ZMYM6: variants seen among roughly 807,000 people sequenced by gnomAD.
ZMYM6 encodes zinc finger MYM-type protein 6.
ZMYM6 carries 90 observed loss-of-function variants against 134.0 expected under a neutral mutation model. The observed-to-expected ratio is 0.67, with a 90% CI of 0.57 to 0.80. ZMYM6 has a LOEUF of 0.80. Among genes scored for constraint, ZMYM6 ranks in the 30% least tolerant of loss-of-function variants. The pLI is 0.00. For missense variants in ZMYM6, 1,362 were observed against 1,533.9 expected, an observed-to-expected ratio of 0.89 and a Z score of 1.87; for synonymous variants, 481 against 524.1, an observed-to-expected ratio of 0.92 and a Z score of 1.12.
At chr1:35,011,332 C>T (rs1641082321) in intron 8 of ZMYM6, among the ~76,000 whole-genome samples, 1 of 152,164 alleles carries the variant, frequency 6.6e-6, no homozygotes, top group African/African-American at 2.4e-5. Context: ...GCACTCCCAT[C>T]ATCAACCAGC....
At chr1:35,001,292 T>C (rs1230451038) in intron 14 of ZMYM6, among the ~76,000 whole-genome samples, 1 of 150,480 alleles carries the variant, frequency 6.6e-6, no homozygotes, top group African/African-American at 2.4e-5. Flanking sequence ...TTTTTTCACA[T>C]TGTAAGAGCA....
At chr1:35,003,838 A>G in intron 14 of ZMYM6, 130 bp downstream of exon 14, 1 of 754,396 alleles carries the variant, frequency 1.3e-6, no homozygotes, top group Non-Finnish European at 2.2e-6. Context: ...GTTGTGCCCA[A>G]GACCTAGATT....
chr1:35,005,275 G>C lies in ZMYM6; in HGVS notation c.1814-3C>G, dbSNP rs1640945583. On this transcript the variant is annotated splice_region_variant and splice_polypyrimidine_tract_variant and intron_variant, in intron 12 of 15. Transcript: ENST00000357182. The stretch of plus-strand genomic sequence containing the variant: ...AGTTTTTGCTTTAGAAATATTTACT[G>C]ATTAAAATAAAAAGTTAAGATCTGG... The C allele has an allele frequency of 4.3e-6, 7 of 1,613,368 alleles. No individual in the cohort carries two copies. In the Admixed American group the frequency reaches 5.0e-5, roughly 12 times the overall value.
At chr1:34,992,196 A>G (rs1294925135) in intron 15 of ZMYM6, 38 bp downstream of exon 15, 2 of 1,613,234 alleles carry the variant, frequency 1.2e-6, no homozygotes, top group Non-Finnish European at 1.7e-6. Context: ...CAAGCCAGAA[A>G]ACAAGCTTTG....
intron 14 of ZMYM6, among the ~76,000 whole-genome samples, chr1:34,997,803 A>G (rs7526940): frequency 0.057 from 8,616 of 152,242 alleles, 719 homozygotes; most frequent in African/African-American, 0.19. Flanking sequence ...TTTTCTGAGT[A>G]CATACTTACA....
chr1:35,004,918 C>A (rs556696130), intron 13 of ZMYM6, among the ~76,000 whole-genome samples: 1 of 151,652 alleles, frequency 6.6e-6, no homozygotes, highest in African/African-American at 2.4e-5. Flanking sequence ...ATTAGCTGGG[C>A]GTGGTGGCAG....
In ZMYM6 at chr1:34,988,273, C is replaced by T; in HGVS notation, c.2809G>A (p.Asp937Asn). ...CAAAATAATAATTCTTCTTTTACAT[C>T]ACGACAATCATAATCAATGAAACGA... is the stretch of plus-strand genomic sequence containing the variant. ...YIRFIDYDCRDVKEELLFCIE... is the reference protein window; with the variant it reads ...YIRFIDYDCRNVKEELLFCIE... Residue 937 changes from aspartate to asparagine, a missense_variant, in exon 16 of 16, where the codon GAT (aspartate) becomes AAT (asparagine). Coordinates refer to ENST00000357182, the MANE Select transcript of ZMYM6 (RefSeq NM_007167.4). 6.4e-7 allele frequency: 1 copy of T among 1,550,426 alleles called. No homozygotes were observed. Among genetic ancestry groups the T allele is most frequent in the Non-Finnish European group, 8.7e-7 (1 of 1,146,310 alleles).
At chr1:35,003,087 G>A (rs570361586) in intron 14 of ZMYM6, among the ~76,000 whole-genome samples, 1 of 151,378 alleles carries the variant, frequency 6.6e-6, no homozygotes, top group African/African-American at 2.4e-5. Context: ...GGAAGCTGAG[G>A]TAGGGGACTG....
chr1:35,022,642 T>A (rs939269870), intron 2 of ZMYM6, among the ~76,000 whole-genome samples: 1 of 152,198 alleles, frequency 6.6e-6, no homozygotes, highest in Admixed American at 6.5e-5. Context: ...GAATTCAAAC[T>A]CTGGTCCAAC....
At chr1:34,991,556 G>C (rs1192598871) in intron 15 of ZMYM6, among the ~76,000 whole-genome samples, 1 of 152,100 alleles carries the variant, frequency 6.6e-6, no homozygotes, top group Non-Finnish European at 1.5e-5. Context: ...GATCACCTGA[G>C]GTCAGGAGTT....
intron 14 of ZMYM6, among the ~76,000 whole-genome samples, chr1:34,998,728 C>T (rs1353859166): frequency 4.6e-5 from 7 of 152,014 alleles, no homozygotes; most frequent in Non-Finnish European, 1.0e-4. Flanking sequence ...AATGTCAAGT[C>T]GGCAGCTGGA....
rs1641065691 is a variant in ZMYM6, at chr1:35,010,460, T to G, written c.1479A>C (p.Pro493=). The G allele has an allele frequency of 5.0e-6, 8 of 1,611,928 alleles. No homozygotes were observed. Among genetic ancestry groups the G allele is most frequent in the Non-Finnish European group, 6.8e-6 (8 of 1,179,568 alleles). Residue 493 remains proline, a synonymous_variant, in exon 10 of 16, where the codon CCA becomes CCC. Transcript: ENST00000357182. The stretch of plus-strand genomic sequence containing the variant: ...CTTTGTCTTTACCTTCACTACAGAA[T>G]GGCTTATCAACCCCTGAGAATCGCA... ...ETVRFSGVDK[P]FCSEVCKFLS...
At chr1:35,012,649 A>C in intron 6 of ZMYM6, 68 bp from the exon 7 acceptor site, 1 of 1,566,906 alleles carries the variant, frequency 6.4e-7, no homozygotes, top group Admixed American at 2.0e-5. Flanking sequence ...TCAAAAAAGT[A>C]AAAAGAAAAG....
chr1:35,010,640 GCTTTAT>G (rs774052826), intron 9 of ZMYM6, 43 bp from the exon 10 acceptor site: 31 of 1,566,116 alleles, frequency 2.0e-5, no homozygotes, highest in African/African-American at 5.5e-5. Flanking sequence ...CTAAACAGTT[GCTTTAT>G]CTTTAAGAAC....
intron 9 of ZMYM6, 42 bp from the exon 10 acceptor site, chr1:35,010,639 T>G: frequency 6.4e-7 from 1 of 1,566,212 alleles, no homozygotes; most frequent in Non-Finnish European, 8.6e-7. Flanking sequence ...ACTAAACAGT[T>G]GCTTTATCTT....
chr1:35,031,654 G>C (rs887992780), intron 1 of ZMYM6, 161 bp downstream of exon 1: 1 of 152,098 alleles, frequency 6.6e-6, no homozygotes, highest in African/African-American at 2.4e-5. Context: ...CTCCGACTGA[G>C]AGCGGTGGAC....
intron 4 of ZMYM6, 96 bp downstream of exon 4, chr1:35,019,257 G>A: frequency 6.5e-7 from 1 of 1,539,444 alleles, no homozygotes; most frequent in Non-Finnish European, 8.9e-7. Flanking sequence ...ACAGATACAT[G>A]CTGAAGAGAT....
Position 35,012,422 on chromosome 1 carries a change from A to G in ZMYM6, c.946+9T>C. 1 of 1,505,072 alleles carries G rather than the reference A, an allele frequency of 6.6e-7. No individual in the cohort carries two copies. Among genetic ancestry groups the G allele is most frequent in the Non-Finnish European group, 8.9e-7 (1 of 1,129,610 alleles). The allele number at this position is 1,505,072 out of a possible 1,614,324, so 93.2% of individuals were successfully genotyped here. ...TTAAATCTATAAATTTATCAAATTT[A>G]AACATTACCTGAAGAAGTAACAGTC... On this transcript the variant is annotated intron_variant, in intron 7 of 15. Coordinates refer to ENST00000357182, the MANE Select transcript of ZMYM6 (RefSeq NM_007167.4).
rs1557558361 is a variant in ZMYM6 at position 34,992,713 on chromosome 1, C to CTATAAATATAAAAATATATTTGTAAA, written c.1993-327_1993-326insTTTACAAATATATTTTTATATTTATA. Reference sequence around the variant, plus strand: ...ATAAAAATAAAAATATACTTATAAACTATAAAAATAAAAATATACTTATAA... The same window carrying CTATAAATATAAAAATATATTTGTAAA: ...ATAAAAATAAAAATATACTTATAAACTATAAATATAAAAATATATTTGTAAATATAAAAATAAAAATATACTTATAA... On this transcript the variant is annotated intron_variant, in intron 14 of 15. Coordinates refer to ENST00000357182, the MANE Select transcript of ZMYM6 (RefSeq NM_007167.4). 1.0e-3 allele frequency among the ~76,000 whole-genome samples: 100 copies of CTATAAATATAAAAATATATTTGTAAA among 100,444 alleles called. 11 individuals are homozygous for CTATAAATATAAAAATATATTTGTAAA. The highest frequency in any genetic ancestry group is 6.5e-3 in the African/African-American group (92 of 14,088). The allele number at this position is 100,444 out of a possible 152,430, so 65.9% of individuals were successfully genotyped here. A position where few individuals can be genotyped will look rare whatever the true frequency, so the allele number is the denominator to read the frequency against.
Sources: allele counts gnomAD v4.1 joint callset (sites outside exome capture counted in the v4.1 genomes callset), GRCh38; gene constraint gnomAD v4.1.1; transcripts MANE v1.5; gene names NCBI Gene and HGNC (gene_info 2026-07-23, HGNC 2026-07-21).